Variants in SPTLC2 observed in about 807,000 individuals in gnomAD.
SPTLC2 encodes serine palmitoyltransferase 2.
A neutral mutation model predicts 62.0 loss-of-function variants in SPTLC2; 21 were observed. The ratio of observed to expected loss-of-function variants is 0.34; its 90% CI spans 0.24 to 0.49. The LOEUF is 0.49. SPTLC2 is among the 20% of genes least tolerant of loss of function. SPTLC2 has a pLI of 0.99. For missense variants in SPTLC2, 511 were observed against 713.0 expected (o/e 0.72, Z 3.23); for synonymous variants, 261 against 261.8 (o/e 1.00, Z 0.03).
intron 5 of SPTLC2, among the ~76,000 whole-genome samples, chr14:77,564,295 AG>A: frequency 2.5e-5 from 2 of 80,582 alleles, no homozygotes; most frequent in African/African-American, 9.0e-5. Context: ...AAAAGGAGGA[AG>A]AGGAGGAGAA....
Position 77,575,625 on chromosome 14 carries a change from T to C in SPTLC2, c.631+1142A>G, listed in dbSNP as rs148159782. ...TAGCTCACTGCAGCCTCAAACTCCT[T>C]GGCTCGAGGGATGCTCTGGCCTCAG... On this transcript the variant is annotated intron_variant, in intron 4 of 11. Coordinates refer to ENST00000216484, the MANE Select transcript of SPTLC2 (RefSeq NM_004863.4). Among the ~76,000 whole-genome samples, 427 of 152,326 alleles carry C rather than the reference T, an allele frequency of 2.8e-3. 3 individuals are homozygous for C. Among genetic ancestry groups the C allele is most frequent in the African/African-American group, 9.4e-3 (392 of 41,586 alleles).
chr14:77,535,141 G>A (rs2079462806), intron 9 of SPTLC2, among the ~76,000 whole-genome samples: 1 of 152,154 alleles, frequency 6.6e-6, no homozygotes, highest in Non-Finnish European at 1.5e-5. Context: ...TGGTCAGGCT[G>A]GTCTCGAACT....
rs145845184 is a variant in SPTLC2, at chr14:77,561,474, G to T, written c.850+922C>A. ...AAAATACTAAAAATTAGTCAGGTGT[G>T]GTGGCGCGCTCCTGTAATCCCAGCT... On this transcript the variant is annotated intron_variant, in intron 6 of 11. Coordinates refer to ENST00000216484, the MANE Select transcript of SPTLC2 (RefSeq NM_004863.4). Among the ~76,000 whole-genome samples the T allele has an allele frequency of 8.7e-4, 132 of 152,138 alleles. 1 individual carries two copies. Among genetic ancestry groups the T allele is most frequent in the African/African-American group, 3.1e-3 (130 of 41,502 alleles).
At chr14:77,588,164 C>T (rs1170385099) in intron 2 of SPTLC2, among the ~76,000 whole-genome samples, 1 of 152,138 alleles carries the variant, frequency 6.6e-6, no homozygotes, top group Non-Finnish European at 1.5e-5. Context: ...GTCTAAACTC[C>T]TAACCTCAAA....
chr14:77,535,892 G>C (rs1055897155), intron 9 of SPTLC2: 1 of 441,974 alleles, frequency 2.3e-6, no homozygotes, highest in South Asian at 1.6e-5. Flanking sequence ...CAGGTTCAAA[G>C]ATATTAAGGA....
In SPTLC2 at chr14:77,579,109, C is replaced by T; in HGVS notation, c.328G>A (p.Asp110Asn). 3.7e-6 allele frequency: 6 copies of T among 1,613,976 alleles called. No homozygotes were observed. Among genetic ancestry groups the T allele is most frequent in the Non-Finnish European group, 4.2e-6 (5 of 1,179,956 alleles). The stretch of plus-strand genomic sequence containing the variant: ...AAATCTTGATACAATGACACAAAGT[C>T]CTGCCAAGAAATGGTGACATACCAT... ...HHATEREEQKDFVSLYQDFEN... is the reference protein window; with the variant it reads ...HHATEREEQKNFVSLYQDFEN... Residue 110 changes from aspartate to asparagine, a missense_variant and splice_region_variant, in exon 3 of 12, where the codon GAC (aspartate) becomes AAC (asparagine). Asp to Asn is a conservative substitution (Grantham distance 23). Transcript: ENST00000216484.
chr14:77,611,615 C>T (rs1393742771), intron 1 of SPTLC2, among the ~76,000 whole-genome samples: 1 of 152,136 alleles, frequency 6.6e-6, no homozygotes, highest in Admixed American at 6.5e-5. Flanking sequence ...CACCTGAGGT[C>T]AGGAGTTCGA....
chr14:77,517,943 A>T, intron 11 of SPTLC2, 95 bp downstream of exon 11: 7 of 1,593,300 alleles, frequency 4.4e-6, no homozygotes, highest in Non-Finnish European at 6.0e-6. Context: ...AGGTGCTCAC[A>T]AGAACATCAA....
At chr14:77,547,525 A>C (rs555664336) in intron 9 of SPTLC2, 1 of 152,180 alleles carries the variant, frequency 6.6e-6, no homozygotes, top group African/African-American at 2.4e-5. Context: ...ACCCTTCTGC[A>C]TGGGAATCTT....
At chr14:77,541,291 T>G (rs1320344652) in intron 9 of SPTLC2, among the ~76,000 whole-genome samples, 2 of 152,278 alleles carry the variant, frequency 1.3e-5, no homozygotes, top group African/African-American at 4.8e-5. Context: ...CCACCCGTCT[T>G]GGCCTCCCAA....
In SPTLC2 at chr14:77,571,473, C is replaced by T. The variant is rs377481567; in HGVS notation, c.632-965G>A. 2.3e-4 allele frequency among the ~76,000 whole-genome samples: 34 copies of T among 146,700 alleles called. 2 individuals carry two copies. The highest frequency in any genetic ancestry group is 8.6e-4 in the African/African-American group (34 of 39,318). On this transcript the variant is annotated intron_variant, in intron 4 of 11. Transcript: ENST00000216484. ...GCAGTGAGCTGAGATCGCACCACTG[C>T]ACTCCAGCCTAGGCAACAGAGCGAG...
intron 8 of SPTLC2, 120 bp downstream of exon 8, chr14:77,555,179 GC>G: frequency 1.9e-6 from 2 of 1,056,198 alleles, no homozygotes; most frequent in South Asian, 2.5e-5. Context: ...GGTATTATGA[GC>G]CTAAACCAGA....
chr14:77,530,153 A>G (rs2079430874), intron 9 of SPTLC2, among the ~76,000 whole-genome samples: 1 of 152,150 alleles, frequency 6.6e-6, no homozygotes, highest in Non-Finnish European at 1.5e-5. Context: ...AGGAGATAGG[A>G]GTGACTATTG....
At chr14:77,587,660 G>A (rs1398238010) in intron 2 of SPTLC2, among the ~76,000 whole-genome samples, 6 of 151,716 alleles carry the variant, frequency 4.0e-5, no homozygotes, top group African/African-American at 9.7e-5. Flanking sequence ...CCAGCTACTC[G>A]GAAGGCTGAT....
intron 9 of SPTLC2, among the ~76,000 whole-genome samples, chr14:77,526,060 G>C (rs1396107443): frequency 6.6e-6 from 1 of 152,090 alleles, no homozygotes; most frequent in Non-Finnish European, 1.5e-5. Context: ...GAGAATAACA[G>C]GAAAATAAAA....
At chr14:77,523,354 G>A (rs1341228888) in intron 9 of SPTLC2, among the ~76,000 whole-genome samples, 1 of 151,276 alleles carries the variant, frequency 6.6e-6, no homozygotes, top group Admixed American at 6.6e-5. Flanking sequence ...CTGCTGCACA[G>A]GGAAGGAGGG....
rs1032880737 is a variant in SPTLC2, at chr14:77,607,337, T to C, written c.132+9111A>G. 1.3e-4 allele frequency among the ~76,000 whole-genome samples: 20 copies of C among 152,234 alleles called. 1 individual carries two copies. The highest frequency in any genetic ancestry group is 4.6e-4 in the Admixed American group (7 of 15,278). Reference sequence around the variant, plus strand: ...CAAAGTTGGAACTAGAGTCCAATTATTTATAGGTTGGTGCAAAAGTAATTG... The same window carrying C: ...CAAAGTTGGAACTAGAGTCCAATTACTTATAGGTTGGTGCAAAAGTAATTG... On this transcript the variant is annotated intron_variant, in intron 1 of 11. Coordinates refer to ENST00000216484, the MANE Select transcript of SPTLC2 (RefSeq NM_004863.4).
At chr14:77,565,408 T>C (rs1048398376) in intron 5 of SPTLC2, among the ~76,000 whole-genome samples, 3 of 152,068 alleles carry the variant, frequency 2.0e-5, no homozygotes, top group Non-Finnish European at 4.4e-5. Flanking sequence ...AGAAAAGCAG[T>C]AAGTTGGTAG....
At chr14:77,595,059 G>A (rs1027343475) in intron 2 of SPTLC2, among the ~76,000 whole-genome samples, 1 of 152,004 alleles carries the variant, frequency 6.6e-6, no homozygotes, top group Non-Finnish European at 1.5e-5. Flanking sequence ...GGAGAAGGGG[G>A]ATCAAAACGT....
Sources: gnomAD v4.1 joint callset for allele counts (sites outside exome capture counted in the v4.1 genomes callset) on GRCh38, gnomAD v4.1.1 for gene constraint, MANE v1.5 for transcripts, NCBI Gene and HGNC (gene_info 2026-07-23, HGNC 2026-07-21) for gene names.